OTUD7A: variants seen among roughly 807,000 people sequenced by gnomAD.
The protein encoded by OTUD7A is OTU domain-containing protein 7A.
Under a neutral mutation model 65.7 loss-of-function variants are expected in OTUD7A, and 12 were observed. That is an observed-to-expected ratio of 0.18 (90% CI 0.12 to 0.30). The LOEUF (loss-of-function observed/expected upper bound fraction) is 0.30. OTUD7A is among the 10% of genes least tolerant of loss of function. The probability of loss-of-function intolerance (pLI) is 1.00; values close to 1 mark genes in which losing one functional copy is unlikely to be tolerated. For synonymous variants in OTUD7A, 641 were observed against 586.3 expected, an observed-to-expected ratio of 1.09 and a Z score of -1.35; for missense variants, 1,148 against 1,304.8, an observed-to-expected ratio of 0.88 and a Z score of 1.85.
chr15:31,843,640 T>G (rs1272350270), intron 1 of OTUD7A, among the ~76,000 whole-genome samples: 1 of 152,224 alleles, frequency 6.6e-6, no homozygotes, highest in Non-Finnish European at 1.5e-5. Flanking sequence ...TGGGTGACAA[T>G]AAACAAACCC....
At chr15:31,618,189 T>C (rs1272484917) in intron 3 of OTUD7A, among the ~76,000 whole-genome samples, 7 of 152,218 alleles carry the variant, frequency 4.6e-5, no homozygotes, top group African/African-American at 1.2e-4. Flanking sequence ...TGATGGACAT[T>C]TGGGTTGGTT....
At position 31,481,817 on chromosome 15, in the gene OTUD7A, A is replaced by T. The variant is rs2041124962; in HGVS notation, c.*1477T>A. 1 of 152,226 alleles carries T rather than the reference A, an allele frequency of 6.6e-6. No individual in the cohort carries two copies. The highest frequency in any genetic ancestry group is 2.1e-4 in the South Asian group (1 of 4,824). The allele number at this position is 152,226 out of a possible 1,614,324, so 9.4% of individuals were successfully genotyped here. A position where few individuals can be genotyped will look rare whatever the true frequency, so the allele number is the denominator to read the frequency against. On this transcript the variant is annotated 3_prime_UTR_variant, in exon 13 of 13. Transcript: ENST00000307050. ...CGTTTCTAGAGGAGAAGCTGGCTCC[A>T]GTGAAGAGATGGTCGACCTCCTGCT...
In OTUD7A at chr15:31,487,121, G is replaced by A. The variant is rs1006616962; in HGVS notation, c.1371+73C>T. On this transcript the variant is annotated intron_variant, in intron 12 of 12. Coordinates refer to ENST00000307050, the MANE Select transcript of OTUD7A (RefSeq NM_001382637.1). The surrounding 1 kb of genome is among the most constrained non-coding windows in gnomAD (Gnocchi z 6.0). ...AGAGTGTGGGAGCATTTGGGAGGAT[G>A]CACCCTGGTCAGACTGGAGCTGAGC... The A allele has an allele frequency of 3.1e-5, 45 of 1,434,986 alleles. No individual in the cohort carries two copies. In the African/African-American group the frequency reaches 5.9e-4, roughly 19 times the overall value. 88.9% of individuals were successfully genotyped at this position (1,434,986 alleles called of 1,614,324 possible).
At position 31,479,506 on chromosome 15, in the gene OTUD7A, A is replaced by G. The variant is rs2041081374; in HGVS notation, c.*3788T>C. The G allele has an allele frequency of 6.6e-6, 1 of 152,258 alleles. No individual in the cohort carries two copies. The highest frequency in any genetic ancestry group is 1.5e-5 in the Non-Finnish European group (1 of 68,054). 9.4% of individuals were successfully genotyped at this position (152,258 alleles called of 1,614,324 possible). A position where few individuals can be genotyped will look rare whatever the true frequency, so the allele number is the denominator to read the frequency against. On this transcript the variant is annotated 3_prime_UTR_variant, in exon 13 of 13. Transcript: ENST00000307050. ...AAATAAAAGACTCACATGGAATGGA[A>G]CTTACACACATGGATTTGGAAAAGT...
At chr15:31,856,153 T>C (rs1897566630) in intron 1 of OTUD7A, among the ~76,000 whole-genome samples, 1 of 152,270 alleles carries the variant, frequency 6.6e-6, no homozygotes, top group South Asian at 2.1e-4. Flanking sequence ...ATAATTTAAC[T>C]GAGTACTTTT....
At chr15:31,503,950 G>A (rs1595561819) in intron 8 of OTUD7A, 132 bp from the exon 9 acceptor site, 5 of 1,044,996 alleles carry the variant, frequency 4.8e-6, no homozygotes, top group African/African-American at 1.6e-5. Flanking sequence ...CGGCAGCTGC[G>A]CCATCCTGGG....
intron 1 of OTUD7A, among the ~76,000 whole-genome samples, chr15:31,809,772 G>T (rs1315686022): frequency 6.6e-6 from 1 of 152,162 alleles, no homozygotes; most frequent in African/African-American, 2.4e-5. Flanking sequence ...CACACTCATT[G>T]GTCAGTTTTC....
At chr15:31,588,106 C>T (rs1333769394) in intron 3 of OTUD7A, among the ~76,000 whole-genome samples, 1 of 151,952 alleles carries the variant, frequency 6.6e-6, no homozygotes, top group Non-Finnish European at 1.5e-5. Flanking sequence ...TTCATAACAG[C>T]ACAAAAGAGA....
intron 2 of OTUD7A, among the ~76,000 whole-genome samples, chr15:31,656,404 C>T (rs557987118): frequency 6.6e-6 from 1 of 152,314 alleles, no homozygotes; most frequent in African/African-American, 2.4e-5. Flanking sequence ...TATGGGAACA[C>T]AGCCATACCC....
At chr15:31,601,408 C>T (rs962225531) in intron 3 of OTUD7A, among the ~76,000 whole-genome samples, 1 of 152,150 alleles carries the variant, frequency 6.6e-6, no homozygotes, top group African/African-American at 2.4e-5. Context: ...TCCTTTGAAA[C>T]CAATGAGAAC....
At chr15:31,798,211 G>C (rs879396968) in intron 1 of OTUD7A, among the ~76,000 whole-genome samples, 1 of 152,144 alleles carries the variant, frequency 6.6e-6, no homozygotes, top group Non-Finnish European at 1.5e-5. Context: ...TTTTGTGGGG[G>C]GGTGGGGGTC....
chr15:31,483,360 G>A lies in OTUD7A; in HGVS notation c.2736C>T (p.His912=). The A allele has an allele frequency of 1.5e-6, 2 of 1,292,862 alleles. No homozygotes were observed. Among genetic ancestry groups the A allele is most frequent in the Non-Finnish European group, 2.0e-6 (2 of 1,016,404 alleles). 80.1% of individuals were successfully genotyped at this position (1,292,862 alleles called of 1,614,324 possible). The part of the protein sequence containing the change: ...CAFYGRAETE[H]YCSYCYREEL... ...CCTCGCGGTAGCAGTAGGAGCAGTAGTGCTCGGTCTCGGCGCGCCCGTAGA... is the reference window on the plus strand; with the variant it reads ...CCTCGCGGTAGCAGTAGGAGCAGTAATGCTCGGTCTCGGCGCGCCCGTAGA... The change falls in exon 13 of 13, where the codon CAC becomes CAT. Residue 912 remains histidine (H), a synonymous_variant. Transcript: ENST00000307050.
At chr15:31,597,857 C>T (rs984773355) in intron 3 of OTUD7A, among the ~76,000 whole-genome samples, 1 of 152,144 alleles carries the variant, frequency 6.6e-6, no homozygotes, top group Non-Finnish European at 1.5e-5. Flanking sequence ...AGAGCCTGGG[C>T]TGTGGACCCC....
chr15:31,514,340 C>T (rs886997954), intron 8 of OTUD7A, among the ~76,000 whole-genome samples: 23 of 152,154 alleles, frequency 1.5e-4, no homozygotes, highest in African/African-American at 4.8e-4. Context: ...TGTGAGCCAC[C>T]GTGCCCAGCT....
chr15:31,608,336 A>G (rs1222336315), intron 3 of OTUD7A, among the ~76,000 whole-genome samples: 2 of 152,236 alleles, frequency 1.3e-5, no homozygotes, highest in Non-Finnish European at 2.9e-5. Flanking sequence ...ACTAAAAATA[A>G]GAACTCGGTG....
intron 1 of OTUD7A, among the ~76,000 whole-genome samples, chr15:31,793,866 C>T (rs1895882775): frequency 6.6e-6 from 1 of 152,220 alleles, no homozygotes; most frequent in South Asian, 2.1e-4. Context: ...GTTCCTTGTA[C>T]ATCATGCCTT....
intron 1 of OTUD7A, among the ~76,000 whole-genome samples, chr15:31,711,602 A>C (rs1169556652): frequency 6.7e-6 from 1 of 149,218 alleles, no homozygotes; most frequent in East Asian, 1.9e-4. Flanking sequence ...ATGGAAAAAT[A>C]CAAACCAGGA....
chr15:31,539,517 T>G (rs962438226), intron 5 of OTUD7A, among the ~76,000 whole-genome samples: 3 of 152,150 alleles, frequency 2.0e-5, no homozygotes, highest in Non-Finnish European at 4.4e-5. Context: ...AGAGAATGTT[T>G]TTCAAAAAGT....
intron 3 of OTUD7A, among the ~76,000 whole-genome samples, chr15:31,631,287 G>T (rs1447600101): frequency 6.6e-6 from 1 of 152,162 alleles, no homozygotes; most frequent in Non-Finnish European, 1.5e-5. Context: ...AGACCTGGTG[G>T]TGACAAAATC....
Sources: gnomAD v4.1 joint callset for allele counts (sites outside exome capture counted in the v4.1 genomes callset) on GRCh38, gnomAD v4.1.1 for gene constraint, Gnocchi (gnomAD v3.1) non-coding constraint, MANE v1.5 for transcripts, NCBI Gene and HGNC (gene_info 2026-07-23, HGNC 2026-07-21) for gene names.